Variants in TLE2 observed in about 807,000 individuals in gnomAD.
TLE2 encodes TLE family member 2, transcriptional corepressor, also known as transducin-like enhancer protein 2.
TLE2 carries 74 observed loss-of-function variants against 97.2 expected under a neutral mutation model. That is an observed-to-expected ratio of 0.76 (90% CI 0.63 to 0.92). TLE2 has a LOEUF of 0.92. TLE2 is among the 40% of genes least tolerant of loss of function. The pLI is 0.00. For synonymous variants in TLE2, 499 were observed against 432.1 expected (o/e 1.15, Z -1.92); for missense variants, 1,038 against 1,008.7 (o/e 1.03, Z -0.39).
chr19:3,021,398 A>G (rs2089841405), intron 5 of TLE2, among the ~76,000 whole-genome samples: 1 of 150,976 alleles, frequency 6.6e-6, no homozygotes, highest in African/African-American at 2.4e-5. Context: ...AGCGAGACTC[A>G]GTCTCAAAAA....
Position 3,039,042 on chromosome 19 carries a change from T to A in TLE2, c.63+6684A>T, listed in dbSNP as rs566580653. Among the ~76,000 whole-genome samples the A allele has an allele frequency of 3.6e-5, 4 of 111,288 alleles. 1 individual carries two copies. In the South Asian group the frequency reaches 1.0e-3, roughly 29 times the overall value. 73.0% of individuals were successfully genotyped at this position (111,288 alleles called of 152,430 possible). On this transcript the variant is annotated intron_variant, in intron 1 of 18. Coordinates refer to the TLE2 transcript ENST00000426948. ...TGGGCAACAAGAGCAAAACCACGAC[T>A]CAAAAAAAAAATAAAAATTAAAAAA...
chr19:3,010,392 C>A (rs939907527), intron 12 of TLE2, among the ~76,000 whole-genome samples: 2 of 151,530 alleles, frequency 1.3e-5, no homozygotes, highest in African/African-American at 2.4e-5. Context: ...AAAAACAAAA[C>A]CCAGGCCCAA....
intron 18 of TLE2, 101 bp from the exon 19 acceptor site, chr19:3,000,824 CTTT>C (rs4061734): frequency 2.2e-3 from 1,104 of 502,746 alleles, no homozygotes; most frequent in Non-Finnish European, 2.5e-3. Flanking sequence ...TGGCCTCTCC[CTTT>C]TTTTTTTTTT....
intron 17 of TLE2, among the ~76,000 whole-genome samples, chr19:3,003,009 T>C (rs1345698029): frequency 5.9e-5 from 9 of 151,914 alleles, no homozygotes; most frequent in African/African-American, 1.9e-4. Context: ...ACGAGCCCCT[T>C]TGGATATTGG....
At chr19:3,007,118 C>T (rs748511662) in intron 14 of TLE2, among the ~76,000 whole-genome samples, 1 of 150,666 alleles carries the variant, frequency 6.6e-6, no homozygotes, top group Non-Finnish European at 1.5e-5. Context: ...GATGGAGTCT[C>T]GCTCTGTCAC....
At chr19:3,046,031 G>C (rs2090138827), upstream of TLE2, among the ~76,000 whole-genome samples, 1 of 152,268 alleles carries the variant, frequency 6.6e-6, no homozygotes, top group South Asian at 2.1e-4. Context: ...AACACAGCCG[G>C]TATTACTGTT....
intron 14 of TLE2, among the ~76,000 whole-genome samples, chr19:3,008,496 G>A (rs2089522680): frequency 6.6e-6 from 1 of 150,464 alleles, no homozygotes; most frequent in South Asian, 2.1e-4. Context: ...TATTGCCCAG[G>A]CTGGAGTGCA....
intron 18 of TLE2, 86 bp downstream of exon 18, chr19:3,002,267 G>C (rs778811932): frequency 6.9e-7 from 1 of 1,454,466 alleles, no homozygotes; most frequent in Non-Finnish European, 9.2e-7. Context: ...AACATTATTT[G>C]TTATTTATCT....
At chr19:3,016,350 C>T (rs1044175143) in intron 8 of TLE2, among the ~76,000 whole-genome samples, 74 of 144,342 alleles carry the variant, frequency 5.1e-4, no homozygotes, top group African/African-American at 1.9e-3. Flanking sequence ...CCGAGGCGGG[C>T]GGATCACAAG....
chr19:3,000,337 A>G (rs1344618318), intron 19 of TLE2, among the ~76,000 whole-genome samples: 1 of 151,922 alleles, frequency 6.6e-6, no homozygotes, highest in Non-Finnish European at 1.5e-5. Context: ...AGCCTCCCAA[A>G]GTGCTGGGAT....
chr19:3,017,614 C>T (rs1387674680), intron 8 of TLE2, among the ~76,000 whole-genome samples: 1 of 151,732 alleles, frequency 6.6e-6, no homozygotes, highest in Non-Finnish European at 1.5e-5. Flanking sequence ...CCACACCCAG[C>T]CAACTTTTTG....
At chr19:3,041,846 G>C (rs148262948) in intron 1 of TLE2, among the ~76,000 whole-genome samples, 2,890 of 152,280 alleles carry the variant, frequency 0.019, 28 homozygotes, top group African/African-American at 0.027. Context: ...GGGGCAGCCA[G>C]GCCCAGAGAG....
chr19:3,014,257 C>T (rs2089655399), intron 10 of TLE2, among the ~76,000 whole-genome samples: 1 of 152,138 alleles, frequency 6.6e-6, no homozygotes, highest in Non-Finnish European at 1.5e-5. Flanking sequence ...ACTCCATAAG[C>T]ACCCATAGCG....
chr19:2,998,243 GTGTGTGTGTGTGTGTGT>G (rs1394954951), intron 19 of TLE2, among the ~76,000 whole-genome samples: 22 of 77,614 alleles, frequency 2.8e-4, no homozygotes, highest in African/African-American at 1.0e-3. Context: ...GCCAATGTGT[GTGTGTGTGTGTGTGTGT>G]GTGTGTGTGT....
At chr19:3,000,813 C>G in intron 18 of TLE2, 90 bp from the exon 19 acceptor site, 1 of 810,272 alleles carries the variant, frequency 1.2e-6, no homozygotes, top group Non-Finnish European at 1.9e-6. Context: ...GGGTCTGGGT[C>G]TGGCCTCTCC....
intron 1 of TLE2, among the ~76,000 whole-genome samples, chr19:3,039,434 T>A (rs2090084544): frequency 6.6e-6 from 1 of 151,682 alleles, no homozygotes; most frequent in Non-Finnish European, 1.5e-5. Flanking sequence ...CAAACCAGAG[T>A]CTAGCCTCAA....
At chr19:3,004,614 CAAAA>C (rs61444494) in intron 17 of TLE2, among the ~76,000 whole-genome samples, 5 of 88,892 alleles carry the variant, frequency 5.6e-5, no homozygotes, top group Admixed American at 1.3e-4. Flanking sequence ...AACTCTGTCT[CAAAA>C]AAAAAAAAAA....
rs780015553 is a variant in TLE2 at position 3,025,058 on chromosome 19, C to A, written c.256G>T (p.Gly86Cys). 3.1e-6 allele frequency: 5 copies of A among 1,605,146 alleles called. No homozygotes were observed. In the East Asian group the frequency reaches 1.1e-4, roughly 36 times the overall value. Reference protein sequence around the residue: ...KQAEIVKRLSGICAQIIPFLT... With the variant: ...KQAEIVKRLSCICAQIIPFLT... ...AAGGGGATAATCTGAGCGCAGATAC[C>A]GCTCAGACGCTTCACAATCTCCGCC... Residue 86 changes from glycine to cysteine, a missense_variant, in exon 5 of 20, where the codon GGT becomes TGT. Gly to Cys is a radical substitution (Grantham distance 159). Coordinates refer to ENST00000262953, the MANE Select transcript of TLE2 (RefSeq NM_003260.5).
intron 4 of TLE2, chr19:3,025,446 A>G: frequency 9.5e-7 from 1 of 1,054,100 alleles, no homozygotes; most frequent in Non-Finnish European, 1.1e-6. Context: ...GCTGAAACAA[A>G]GGAAAGGGGC....
Sources: allele counts gnomAD v4.1 joint callset (sites outside exome capture counted in the v4.1 genomes callset), GRCh38; gene constraint gnomAD v4.1.1; transcripts MANE v1.5; gene names NCBI Gene and HGNC (gene_info 2026-07-23, HGNC 2026-07-21).